Variants in LOXHD1 observed in about 807,000 individuals in gnomAD.
The protein encoded by LOXHD1 is lipoxygenase homology PLAT domains 1.
LOXHD1 carries 205 observed loss-of-function variants against 248.2 expected under a neutral mutation model. The observed-to-expected ratio is 0.83, with a 90% CI of 0.74 to 0.93. The LOEUF is 0.93. Among genes scored for constraint, LOXHD1 ranks in the 40% least tolerant of loss-of-function variants. The pLI is 0.00. For synonymous variants in LOXHD1, 1,113 were observed against 1,162.8 expected (o/e 0.96, Z 0.87); for missense variants, 2,930 against 2,971.6 (o/e 0.99, Z 0.33).
chr18:46,524,940 C>T, intron 29 of LOXHD1, 23 bp from the exon 30 acceptor site: 1 of 1,551,244 alleles, frequency 6.4e-7, no homozygotes, highest in South Asian at 1.2e-5. Context: ...GATGTGGGGA[C>T]TCATATGGGG....
chr18:46,491,649 T>G (rs2033486003), intron 37 of LOXHD1, among the ~76,000 whole-genome samples: 1 of 152,210 alleles, frequency 6.6e-6, no homozygotes, highest in East Asian at 1.9e-4. Flanking sequence ...CGAGATTTTT[T>G]CTGTTGCTGG....
In LOXHD1 at chr18:46,560,374, G is replaced by A. The variant is rs886053832; in HGVS notation, c.2770C>T (p.Arg924Trp). ...ARKKKEKDKL[R>W]QLLKKERLKA... ...AGCCGCTCCTTCTTGAGCAGCTGCC[G>A]CAGCTTGTCCTTCTCCTTCTTCTTC... Residue 924 changes from arginine (R) to tryptophan (W), a missense_variant, in exon 19 of 41, where the codon CGG becomes TGG. Physicochemically the swap from Arg to Trp is moderately radical, Grantham distance 101 (BLOSUM62 -3). Coordinates refer to ENST00000642948, the MANE Select transcript of LOXHD1 (RefSeq NM_001384474.1). 5.2e-6 allele frequency: 8 copies of A among 1,552,486 alleles called. No homozygotes were observed. The highest frequency in any genetic ancestry group is 2.4e-5 in the South Asian group (2 of 84,132).
intron 25 of LOXHD1, among the ~76,000 whole-genome samples, chr18:46,540,405 A>T (rs976155263): frequency 8.5e-5 from 13 of 152,160 alleles, no homozygotes; most frequent in African/African-American, 3.1e-4. Context: ...TGGGTGCTCA[A>T]CCAATAACAG....
chr18:46,618,110 T>C, intron 5 of LOXHD1, 82 bp downstream of exon 5: 1 of 1,051,904 alleles, frequency 9.5e-7, no homozygotes, highest in East Asian at 2.6e-5. Flanking sequence ...TCAAGCTGCC[T>C]TCCTCTGCCA....
At chr18:46,621,526 C>T (rs2038668638) in intron 4 of LOXHD1, among the ~76,000 whole-genome samples, 1 of 152,188 alleles carries the variant, frequency 6.6e-6, no homozygotes, top group South Asian at 2.1e-4. Flanking sequence ...CAGCTCAGGG[C>T]ATCAAGCCTT....
chr18:46,635,072 T>G (rs560732053), intron 4 of LOXHD1, among the ~76,000 whole-genome samples: 5 of 152,096 alleles, frequency 3.3e-5, no homozygotes, highest in Admixed American at 6.5e-5. Flanking sequence ...AGGTACCTTC[T>G]TGGGAAGGGA....
At chr18:46,589,385 T>C (rs151278459) in intron 12 of LOXHD1, among the ~76,000 whole-genome samples, 161 of 152,294 alleles carry the variant, frequency 1.1e-3, no homozygotes, top group African/African-American at 3.7e-3. Flanking sequence ...AGGAGCCCCC[T>C]GGCCCCTTCT....
At position 46,521,089 on chromosome 18, in the gene LOXHD1, C is replaced by A; in HGVS notation, c.5271+8G>T. The A allele has an allele frequency of 1.3e-6, 2 of 1,551,398 alleles. No individual in the cohort carries two copies. The highest frequency in any genetic ancestry group is 1.7e-6 in the Non-Finnish European group (2 of 1,146,744). On this transcript the variant is annotated splice_region_variant and intron_variant, in intron 33 of 40. Transcript: ENST00000642948. ...CCATGCACTGCACACTCACAGTGCC[C>A]CCCCTACCTTCACCCCAATGTTCAC...
chr18:46,579,496 CCCA>C, intron 13 of LOXHD1, 131 bp downstream of exon 13: 6 of 1,215,712 alleles, frequency 4.9e-6, no homozygotes, highest in Non-Finnish European at 7.0e-6. Context: ...CGCCCCCTTA[CCCA>C]GAGTGAGGCT....
chr18:46,540,069 T>C (rs1390308987), intron 25 of LOXHD1, among the ~76,000 whole-genome samples: 1 of 152,232 alleles, frequency 6.6e-6, no homozygotes, highest in East Asian at 1.9e-4. Context: ...GAGCATGCTA[T>C]GGTCCTTACC....
rs574598048 is a variant in LOXHD1, at chr18:46,489,054, G to A, written c.5967C>T (p.Leu1989=). The part of the protein sequence containing the change: ...ETFHFQCDCW[L]SKSEGDGQTV... ...TCTGCCCGTCACCCTCACTCTTGGA[G>A]AGCCAGCAGTCACACTGGAAGTGGA... is the stretch of plus-strand genomic sequence containing the variant. Residue 1989 remains leucine, a synonymous_variant, in exon 38 of 41, where the codon CTC becomes CTT. Coordinates refer to ENST00000642948, the MANE Select transcript of LOXHD1 (RefSeq NM_001384474.1). 7.6e-5 allele frequency: 118 copies of A among 1,551,696 alleles called. No individual in the cohort carries two copies. The highest frequency in any genetic ancestry group is 2.0e-4 in the Admixed American group (10 of 51,008).
chr18:46,506,065 T>C, intron 36 of LOXHD1, 42 bp from the exon 37 acceptor site: 1 of 1,544,890 alleles, frequency 6.5e-7, no homozygotes, highest in Non-Finnish European at 8.8e-7. Flanking sequence ...CCAGCCTCTT[T>C]GACACACAGT....
In LOXHD1 at chr18:46,618,337, A is replaced by G. The variant is rs1342967855; in HGVS notation, c.512-47T>C. 2.2e-6 allele frequency: 3 copies of G among 1,350,620 alleles called. No individual in the cohort carries two copies. The South Asian group carries it at 3.8e-5, about 17-fold the overall frequency. 83.7% of individuals were successfully genotyped at this position (1,350,620 alleles called of 1,614,324 possible). On this transcript the variant is annotated intron_variant, in intron 4 of 40. Transcript: ENST00000642948. ...AACCTTAGCTCATCAGGATCCTGAA[A>G]AGAGAATAGAGGCCCCAAAGTAGCT...
chr18:46,480,207 CTTTT>C (rs1413730858), intron 40 of LOXHD1, among the ~76,000 whole-genome samples: 1 of 151,962 alleles, frequency 6.6e-6, no homozygotes, highest in African/African-American at 2.4e-5. Flanking sequence ...TCTAAACGTA[CTTTT>C]TTTTGCTCCC....
intron 20 of LOXHD1, chr18:46,558,128 G>A: frequency 1.1e-6 from 1 of 939,306 alleles, no homozygotes; most frequent in African/African-American, 1.8e-5. Context: ...TAAATCTACA[G>A]AAAACTTTCA....
chr18:46,566,007 T>C (rs2037632215), intron 17 of LOXHD1, among the ~76,000 whole-genome samples: 1 of 152,220 alleles, frequency 6.6e-6, no homozygotes, highest in Non-Finnish European at 1.5e-5. Context: ...ATAAAGTCAT[T>C]TGCTGCCTTT....
rs1287639110 is a variant in LOXHD1 at position 46,604,173 on chromosome 18, C to A, written c.816G>T (p.Trp272Cys). 3.2e-6 allele frequency: 5 copies of A among 1,551,590 alleles called. No individual in the cohort carries two copies. In the African/African-American group the frequency reaches 6.8e-5, roughly 21 times the overall value. Residue 272 changes from tryptophan (W) to cysteine (C), a missense_variant, in exon 7 of 41, where the codon TGG becomes TGT. Physicochemically the swap from Trp to Cys is radical, Grantham distance 215. Coordinates refer to ENST00000642948, the MANE Select transcript of LOXHD1 (RefSeq NM_001384474.1). ...TGCCATCGTCTTCGTCCAAGGCCAGCCAGCGGTTAAGGGGGAAGTCATATT... is the reference window on the plus strand; with the variant it reads ...TGCCATCGTCTTCGTCCAAGGCCAGACAGCGGTTAAGGGGGAAGTCATATT... Reference protein sequence around the residue: ...KRKYDFPLNRWLALDEDDGKI... With the variant: ...KRKYDFPLNRCLALDEDDGKI...
intron 3 of LOXHD1, 137 bp from the exon 4 acceptor site, chr18:46,639,937 C>T (rs1179164200): frequency 1.0e-5 from 11 of 1,071,996 alleles, no homozygotes; most frequent in South Asian, 3.1e-5. Flanking sequence ...TCCTGAACCT[C>T]GGTTTCCTCA....
intron 28 of LOXHD1, 100 bp downstream of exon 28, chr18:46,533,062 T>A: frequency 7.6e-7 from 1 of 1,311,720 alleles, no homozygotes; most frequent in Non-Finnish European, 1.0e-6. Flanking sequence ...CAGACCCTAC[T>A]CCTGGGTGAA....
Sources: allele counts gnomAD v4.1 joint callset (sites outside exome capture counted in the v4.1 genomes callset), GRCh38; gene constraint gnomAD v4.1.1; transcripts MANE v1.5; gene names NCBI Gene and HGNC (gene_info 2026-07-23, HGNC 2026-07-21).